RBFOX1: variants seen among roughly 807,000 people sequenced by gnomAD.
The protein encoded by RBFOX1 is RNA binding protein fox-1 homolog 1.
A neutral mutation model predicts 57.7 loss-of-function variants in RBFOX1; 8 were observed. The observed-to-expected ratio is 0.14, with a 90% CI of 0.08 to 0.25. The LOEUF is 0.25. Among genes scored for constraint, RBFOX1 ranks in the 10% least tolerant of loss-of-function variants. The pLI is 1.00. For synonymous variants in RBFOX1, 326 were observed against 222.4 expected (o/e 1.47, Z -4.15); for missense variants, 611 against 548.5 (o/e 1.11, Z -1.14).
Position 7,102,284 on chromosome 16 carries a change from T to G in RBFOX1, c.27+50186T>G, listed in dbSNP as rs566573547. ...ACCTTTGTATAGGAACTCCATTCTT[T>G]GTCTATCCATAGACTATTGGATTCC... On this transcript the variant is annotated intron_variant, in intron 4 of 15. Coordinates refer to ENST00000550418, the MANE Select transcript of RBFOX1 (RefSeq NM_018723.4). 2.0e-5 allele frequency among the ~76,000 whole-genome samples: 3 copies of G among 152,306 alleles called. No homozygotes were observed. In the East Asian group the frequency reaches 5.8e-4, roughly 29 times the overall value.
chr16:6,600,857 C>T (rs17193120), intron 2 of RBFOX1, among the ~76,000 whole-genome samples: 54,176 of 151,844 alleles, frequency 0.36, 10,869 homozygotes, highest in Middle Eastern at 0.51. Flanking sequence ...TAAATGCTGC[C>T]CTTGTGAATT....
intron 4 of RBFOX1, among the ~76,000 whole-genome samples, chr16:5,935,343 T>C (rs570758818): frequency 6.6e-6 from 1 of 152,298 alleles, no homozygotes; most frequent in African/African-American, 2.4e-5. Flanking sequence ...GGATCCATCC[T>C]GCGTGTGGCA....
At chr16:5,477,530 G>A (rs1325646003) in intron 2 of RBFOX1, among the ~76,000 whole-genome samples, 1 of 152,130 alleles carries the variant, frequency 6.6e-6, no homozygotes, top group African/African-American at 2.4e-5. Context: ...TGAAGTAATT[G>A]CACGGGCTGT....
chr16:7,677,133 A>ACG (rs2073545824), intron 14 of RBFOX1, among the ~76,000 whole-genome samples: 1 of 30,120 alleles, frequency 3.3e-5, no homozygotes, highest in African/African-American at 1.0e-4. Flanking sequence ...ACATACACAT[A>ACG]CACACACACA....
intron 3 of RBFOX1, chr16:6,748,991 T>C (rs1198734060): frequency 2.0e-5 from 3 of 152,130 alleles, no homozygotes; most frequent in Admixed American, 2.0e-4. Context: ...AAAATAAAAA[T>C]ATTTTTGAAA....
chr16:6,789,245 C>G (rs1029078130), intron 3 of RBFOX1, among the ~76,000 whole-genome samples: 4 of 152,116 alleles, frequency 2.6e-5, no homozygotes, highest in Non-Finnish European at 4.4e-5. Context: ...TGTATCATTT[C>G]CCAAGCCGCG....
intron 3 of RBFOX1, among the ~76,000 whole-genome samples, chr16:6,833,346 T>C (rs911099603): frequency 6.9e-6 from 1 of 144,030 alleles, no homozygotes; most frequent in Admixed American, 6.8e-5. Flanking sequence ...TTTGTATTTT[T>C]AGTAGAGACA....
chr16:6,388,155 A>G (rs1446057854), intron 2 of RBFOX1, among the ~76,000 whole-genome samples: 1 of 151,784 alleles, frequency 6.6e-6, no homozygotes, highest in Non-Finnish European at 1.5e-5. Flanking sequence ...TTTAGTAGAG[A>G]TGGAGTTTCA....
Position 5,760,533 on chromosome 16 carries a change from A to G in RBFOX1, c.319-106770A>G, listed in dbSNP as rs114720013. ...TTTCCATCAACAGAGGAGAAGATAA[A>G]CAAATCGTGGTGTATCCATACCACA... is the stretch of plus-strand genomic sequence containing the variant. On this transcript the variant is annotated intron_variant, in intron 3 of 19. Coordinates refer to the RBFOX1 transcript ENST00000641259. Among the ~76,000 whole-genome samples the G allele has an allele frequency of 4.2e-3, 645 of 152,288 alleles. 8 individuals are homozygous for G. Among genetic ancestry groups the G allele is most frequent in the African/African-American group, 0.015 (613 of 41,560 alleles).
intron 4 of RBFOX1, among the ~76,000 whole-genome samples, chr16:7,218,958 C>G (rs530853701): frequency 6.6e-6 from 1 of 152,030 alleles, no homozygotes; most frequent in African/African-American, 2.4e-5. Flanking sequence ...CCTAGCAGAG[C>G]TGATATTGCT....
At chr16:7,338,755 C>A (rs1187225294) in intron 4 of RBFOX1, among the ~76,000 whole-genome samples, 1 of 152,182 alleles carries the variant, frequency 6.6e-6, no homozygotes, top group African/African-American at 2.4e-5. Context: ...AGTAACCATC[C>A]TTATAGAAAG....
intron 5 of RBFOX1, among the ~76,000 whole-genome samples, chr16:7,534,428 T>C (rs901344107): frequency 1.3e-4 from 19 of 151,894 alleles, no homozygotes; most frequent in Non-Finnish European, 2.5e-4. Flanking sequence ...GGACACACAA[T>C]AGAGCCAATG....
intron 4 of RBFOX1, among the ~76,000 whole-genome samples, chr16:7,419,840 CT>C (rs796450456): frequency 1.3e-5 from 2 of 151,470 alleles, no homozygotes; most frequent in African/African-American, 4.8e-5. Context: ...GAGGCATGTC[CT>C]TTTTTTTCTT....
At chr16:6,227,049 G>A (rs1357117376) in intron 1 of RBFOX1, among the ~76,000 whole-genome samples, 1 of 151,920 alleles carries the variant, frequency 6.6e-6, no homozygotes, top group Non-Finnish European at 1.5e-5. Context: ...GCTTGAATCT[G>A]GGAGGCAGAG....
rs2078780016 is a variant in RBFOX1 at position 7,696,314 on chromosome 16, GACA to G, written c.996-12739_996-12737del. 2.6e-5 allele frequency among the ~76,000 whole-genome samples: 4 copies of G among 152,260 alleles called. No homozygotes were observed. In the South Asian group the frequency reaches 8.3e-4, roughly 32 times the overall value. The stretch of plus-strand genomic sequence containing the variant: ...GACACCTCCTAATGCATCCAGCTTG[GACA>G]ACTGAGTAGGTCCTCATTCAGTAAC... On this transcript the variant is annotated intron_variant, in intron 14 of 15. Coordinates refer to ENST00000550418, the MANE Select transcript of RBFOX1 (RefSeq NM_018723.4).
chr16:6,104,976 G>A (rs1283221458), intron 1 of RBFOX1, among the ~76,000 whole-genome samples: 1 of 152,072 alleles, frequency 6.6e-6, no homozygotes, highest in Admixed American at 6.5e-5. Flanking sequence ...ACATGCCTTG[G>A]GCCTTTGGGG....
At chr16:7,510,481 G>GCGTGTC (rs1417836707) in intron 4 of RBFOX1, among the ~76,000 whole-genome samples, 13 of 61,388 alleles carry the variant, frequency 2.1e-4, no homozygotes, top group Middle Eastern at 0.012. Flanking sequence ...GTGTGTGTAT[G>GCGTGTC]TGTGTCTGTG....
At chr16:7,480,526 T>C (rs191039704) in intron 4 of RBFOX1, among the ~76,000 whole-genome samples, 2 of 152,364 alleles carry the variant, frequency 1.3e-5, no homozygotes, top group Admixed American at 1.3e-4. Flanking sequence ...TTTAAAAAAA[T>C]ACATATATGG....
At chr16:7,421,603 A>G (rs183259664) in intron 4 of RBFOX1, among the ~76,000 whole-genome samples, 1 of 152,358 alleles carries the variant, frequency 6.6e-6, no homozygotes, top group East Asian at 1.9e-4. Flanking sequence ...GTAGGTTGGA[A>G]GACTGCCGAG....
Sources: gnomAD v4.1 joint callset for allele counts (sites outside exome capture counted in the v4.1 genomes callset) on GRCh38, gnomAD v4.1.1 for gene constraint, MANE v1.5 for transcripts, NCBI Gene and HGNC (gene_info 2026-07-23, HGNC 2026-07-21) for gene names.